SP1: variants seen among roughly 807,000 people sequenced by gnomAD.
The protein encoded by SP1 is Sp1 transcription factor.
SP1 carries 6 observed loss-of-function variants against 66.3 expected under a neutral mutation model. The observed-to-expected ratio is 0.09, with a 90% CI of 0.05 to 0.18. The LOEUF is 0.18. Among genes scored for constraint, SP1 ranks in the 10% least tolerant of loss-of-function variants. The pLI is 1.00. For missense variants in SP1, 848 were observed against 964.5 expected (o/e 0.88, Z 1.60); for synonymous variants, 417 against 360.8 (o/e 1.16, Z -1.77).
At chr12:53,390,477 G>C (rs1938322593) in intron 3 of SP1, among the ~76,000 whole-genome samples, 1 of 152,140 alleles carries the variant, frequency 6.6e-6, no homozygotes, top group South Asian at 2.1e-4. Context: ...GAGCTCAGGA[G>C]TTCGTGACCA....
chr12:53,393,500 G>A (rs1592562285), intron 3 of SP1, among the ~76,000 whole-genome samples: 1 of 151,190 alleles, frequency 6.6e-6, no homozygotes, highest in Non-Finnish European at 1.5e-5. Flanking sequence ...TCAGGCTGGT[G>A]TCGAACTCCT....
intron 3 of SP1, 37 bp from the exon 4 acceptor site, chr12:53,406,548 C>T (rs1160487929): frequency 1.3e-6 from 2 of 1,594,528 alleles, no homozygotes; most frequent in South Asian, 1.1e-5. Flanking sequence ...ATAACCTGCC[C>T]ATGTCACATG....
rs143396403 is a variant in SP1 at position 53,383,465 on chromosome 12, C to T, written c.1518C>T (p.Ala506=). The T allele has an allele frequency of 3.1e-6, 5 of 1,614,244 alleles. No individual in the cohort carries two copies. Among genetic ancestry groups the T allele is most frequent in the Non-Finnish European group, 4.2e-6 (5 of 1,180,048 alleles). The stretch of plus-strand genomic sequence containing the variant: ...GCAACACCACTCTCACACCCATTGC[C>T]TCAGCTGCTTCCATTCCTGCTGGCA... ...SSSNTTLTPI[A]SAASIPAGTV... is the part of the protein sequence containing the mutation. Residue 506 remains alanine, a synonymous_variant, in exon 3 of 6, where the codon GCC becomes GCT. Coordinates refer to ENST00000327443, the MANE Select transcript of SP1 (RefSeq NM_138473.3).
intron 3 of SP1, among the ~76,000 whole-genome samples, chr12:53,404,367 TA>T (rs374934397): frequency 6.6e-6 from 1 of 151,552 alleles, no homozygotes; most frequent in African/African-American, 2.4e-5. Context: ...CCATCTCTAC[TA>T]AAAAAATACA....
rs371335259 is a variant in SP1 at position 53,382,104 on chromosome 12, G to C, written c.163-6G>C. 2.1e-5 allele frequency: 34 copies of C among 1,612,356 alleles called. No homozygotes were observed. The East Asian group carries it at 2.9e-4, about 14-fold the overall frequency. ...AACTCCTTTCCTCTCCCTTATTTTC[G>C]GCCAGGAGTCCCAGCCATCCCCTTT... On this transcript the variant is annotated splice_region_variant and splice_polypyrimidine_tract_variant and intron_variant, in intron 2 of 5. Transcript: ENST00000327443.
At position 53,411,291 on chromosome 12, in the gene SP1, G is replaced by T. The variant is rs1264097884; in HGVS notation, c.*51G>T. 3 of 1,458,336 alleles carry T rather than the reference G, an allele frequency of 2.1e-6. No individual in the cohort carries two copies. Among genetic ancestry groups the T allele is most frequent in the Admixed American group, 3.7e-5 (2 of 53,646 alleles). 90.3% of individuals were successfully genotyped at this position (1,458,336 alleles called of 1,614,324 possible). ...TATGGGCCATACCCCTTAACCCCGG[G>T]ATGCAAGGTAGCATGGGTCCAAGAG... On this transcript the variant is annotated 3_prime_UTR_variant, in exon 6 of 6. Transcript: ENST00000327443.
intron 3 of SP1, among the ~76,000 whole-genome samples, chr12:53,390,553 C>T (rs919969324): frequency 2.0e-5 from 3 of 151,996 alleles, no homozygotes; most frequent in East Asian, 1.9e-4. Flanking sequence ...CATGGCGGCG[C>T]GCACCTGTAG....
At chr12:53,401,588 ATTAC>A (rs1288797593) in intron 3 of SP1, among the ~76,000 whole-genome samples, 1 of 152,172 alleles carries the variant, frequency 6.6e-6, no homozygotes, top group Non-Finnish European at 1.5e-5. Flanking sequence ...CATCATAATC[ATTAC>A]TTATTTTAAG....
chr12:53,381,585 G>A, intron 1 of SP1, 74 bp from the exon 2 acceptor site: 11 of 1,369,346 alleles, frequency 8.0e-6, no homozygotes, highest in Non-Finnish European at 1.1e-5. Context: ...TTTCATCATA[G>A]CCTCCTTTTA....
At chr12:53,394,535 T>G (rs1233683186) in intron 3 of SP1, among the ~76,000 whole-genome samples, 4 of 149,598 alleles carry the variant, frequency 2.7e-5, no homozygotes, top group African/African-American at 9.8e-5. Context: ...TCCCAAATGT[T>G]GGGTTTACGG....
chr12:53,385,828 G>A (rs1053580061), intron 3 of SP1, among the ~76,000 whole-genome samples: 5 of 147,596 alleles, frequency 3.4e-5, no homozygotes, highest in African/African-American at 1.0e-4. Flanking sequence ...CAGGAGAATC[G>A]CTTGAACCTG....
At chr12:53,393,997 C>G (rs1938412794) in intron 3 of SP1, among the ~76,000 whole-genome samples, 1 of 151,820 alleles carries the variant, frequency 6.6e-6, no homozygotes. Context: ...GGTGGATCAC[C>G]TGAGATCGGG....
chr12:53,381,330 C>CT, intron 1 of SP1: 1 of 184,476 alleles, frequency 5.4e-6, no homozygotes, highest in Non-Finnish European at 1.1e-5. Context: ...TGTCCTTTTC[C>CT]TTTTTTTCCC....
At chr12:53,410,516 GT>G (rs996647095) in intron 5 of SP1, among the ~76,000 whole-genome samples, 3 of 147,320 alleles carry the variant, frequency 2.0e-5, no homozygotes, top group Admixed American at 1.4e-4. Flanking sequence ...TTTGTTTTTT[GT>G]TTTTTTTTTG....
Position 53,381,826 on chromosome 12 carries a change from C to T in SP1, c.162+13C>T. 1.9e-6 allele frequency: 3 copies of T among 1,607,174 alleles called. No individual in the cohort carries two copies. Among genetic ancestry groups the T allele is most frequent in the Non-Finnish European group, 2.5e-6 (3 of 1,177,672 alleles). Reference sequence around the variant, plus strand: ...AGGAGGAGGGCAGGTAAGTGATAATCATAGAGTGGGGAAGGTGTTGAGAAG... The same window carrying T: ...AGGAGGAGGGCAGGTAAGTGATAATTATAGAGTGGGGAAGGTGTTGAGAAG... On this transcript the variant is annotated intron_variant, in intron 2 of 5. Transcript: ENST00000327443.
intron 3 of SP1, among the ~76,000 whole-genome samples, chr12:53,401,027 C>G (rs1053137598): frequency 2.0e-4 from 31 of 151,772 alleles, no homozygotes; most frequent in African/African-American, 6.8e-4. Flanking sequence ...CTCCTAAAGA[C>G]CAAAGTGCTG....
chr12:53,395,251 A>T (rs1026114517), intron 3 of SP1, among the ~76,000 whole-genome samples: 1 of 152,126 alleles, frequency 6.6e-6, no homozygotes, highest in East Asian at 1.9e-4. Context: ...GAGACAGGAG[A>T]ATCGCTTGAA....
At chr12:53,397,826 T>A (rs1011798972) in intron 3 of SP1, among the ~76,000 whole-genome samples, 1 of 152,212 alleles carries the variant, frequency 6.6e-6, no homozygotes, top group South Asian at 2.1e-4. Context: ...AGTGCTGGGA[T>A]TACAGGCGTG....
intron 3 of SP1, among the ~76,000 whole-genome samples, chr12:53,393,786 C>T (rs1247166424): frequency 6.0e-5 from 9 of 150,450 alleles, no homozygotes; most frequent in African/African-American, 9.8e-5. Context: ...TTAGTAGAGA[C>T]GGGGTTTCAT....
Sources: gnomAD v4.1 joint callset for allele counts (sites outside exome capture counted in the v4.1 genomes callset) on GRCh38, gnomAD v4.1.1 for gene constraint, MANE v1.5 for transcripts, NCBI Gene and HGNC (gene_info 2026-07-23, HGNC 2026-07-21) for gene names.